Variants in RNF125 observed in about 807,000 individuals in gnomAD.
RNF125 encodes the protein ring finger protein 125.
In RNF125, 21 loss-of-function variants were observed where a neutral mutation model predicts 26.0. The ratio of observed to expected loss-of-function variants is 0.81; its 90% CI spans 0.57 to 1.16. The LOEUF (loss-of-function observed/expected upper bound fraction) is 1.16, where lower values mean the gene tolerates loss of function less well. Ranked by LOEUF, RNF125 falls within the 50% of genes most tolerant of loss-of-function variation. The pLI is 0.00. For synonymous variants in RNF125, 95 were observed against 109.2 expected (o/e 0.87, Z 0.81); for missense variants, 270 against 299.4 (o/e 0.90, Z 0.72).
chr18:32,062,958 GC>G (rs2039448258), intron 4 of RNF125, among the ~76,000 whole-genome samples: 1 of 152,112 alleles, frequency 6.6e-6, no homozygotes, highest in South Asian at 2.1e-4. Flanking sequence ...GGTGGCTCAT[GC>G]TTGTAATCCC....
intron 4 of RNF125, among the ~76,000 whole-genome samples, chr18:32,062,636 G>T (rs1373278855): frequency 6.6e-6 from 1 of 152,048 alleles, no homozygotes; most frequent in African/African-American, 2.4e-5. Context: ...AATATATAAA[G>T]ACCTCATTTA....
At chr18:32,081,239 G>GT in the RNF125 span, among the ~76,000 whole-genome samples, 2 of 148,856 alleles carry the variant, frequency 1.3e-5, no homozygotes, top group Non-Finnish European at 3.0e-5. Context: ...CATGTTGTGT[G>GT]TTTTTAAACA....
rs2039262617 is a variant in RNF125, at chr18:32,045,653, C to G, written c.425C>G (p.Pro142Arg). The stretch of plus-strand genomic sequence containing the variant: ...TGTGCTATTTCCAGGTGTGTATGTC[C>G]CTTTTGTCAGAGGGAACTGTATGAA... ...LEETAARCVC[P>R]FCQRELYEDS... The change falls in exon 4 of 6, where the codon CCC becomes CGC. Residue 142 changes from proline to arginine, a missense_variant. Coordinates refer to ENST00000217740, the MANE Select transcript of RNF125 (RefSeq NM_017831.4). 6.2e-7 allele frequency: 1 copy of G among 1,609,144 alleles called. No individual in the cohort carries two copies. The highest frequency in any genetic ancestry group is 1.1e-5 in the South Asian group (1 of 90,838).
intron 4 of RNF125, among the ~76,000 whole-genome samples, chr18:32,063,702 A>C (rs1340565845): frequency 1.3e-5 from 2 of 152,236 alleles, no homozygotes; most frequent in Non-Finnish European, 2.9e-5. Flanking sequence ...ATGGATAAGC[A>C]GACTGTGGGA....
chr18:32,047,186 G>A (rs911782568), intron 4 of RNF125, among the ~76,000 whole-genome samples: 14 of 152,266 alleles, frequency 9.2e-5, no homozygotes, highest in African/African-American at 2.9e-4. Flanking sequence ...ACAGGCGTGC[G>A]CCACCATGCC....
At chr18:32,052,958 TAAGAA>T (rs777614946) in intron 4 of RNF125, among the ~76,000 whole-genome samples, 30 of 152,340 alleles carry the variant, frequency 2.0e-4, no homozygotes, top group Middle Eastern at 3.4e-3. Context: ...TATTAGAACT[TAAGAA>T]AAGGGTACCA....
chr18:32,046,242 AAGAG>A (rs1270426115), intron 4 of RNF125, among the ~76,000 whole-genome samples: 24 of 146,816 alleles, frequency 1.6e-4, no homozygotes, highest in Admixed American at 3.4e-4. Context: ...AAAAAAGAGA[AAGAG>A]AGATCTAAGT....
At chr18:32,037,046 A>G in intron 1 of RNF125, 70 bp from the exon 2 acceptor site, 6 of 1,398,670 alleles carry the variant, frequency 4.3e-6, no homozygotes, top group Non-Finnish European at 5.9e-6. Context: ...AGTTTACACA[A>G]ATGAATACAT....
intron 1 of RNF125, among the ~76,000 whole-genome samples, chr18:32,027,622 C>T (rs899774411): frequency 1.3e-5 from 2 of 152,048 alleles, no homozygotes; most frequent in Non-Finnish European, 2.9e-5. Context: ...AATGAGTTTA[C>T]CTTTCTTTGC....
chr18:32,062,843 A>T (rs2039447275), intron 4 of RNF125, among the ~76,000 whole-genome samples: 3 of 152,192 alleles, frequency 2.0e-5, no homozygotes, highest in African/African-American at 7.2e-5. Context: ...TGTTGTGAGG[A>T]TCAAATGAGA....
the RNF125 span, among the ~76,000 whole-genome samples, chr18:32,086,353 G>GT: frequency 7.6e-5 from 8 of 105,786 alleles, no homozygotes; most frequent in Non-Finnish European, 1.5e-4. Context: ...CTAGATATTT[G>GT]TGTTTTTTTT....
the RNF125 span, among the ~76,000 whole-genome samples, chr18:32,080,254 C>G: frequency 6.6e-6 from 1 of 152,192 alleles, no homozygotes; most frequent in Non-Finnish European, 1.5e-5. Flanking sequence ...GTCTCAAACT[C>G]CTGACCTCAG....
At chr18:32,037,388 T>TTTTTA (rs2039168461) in intron 2 of RNF125, 119 bp downstream of exon 2, 1 of 571,656 alleles carries the variant, frequency 1.7e-6, no homozygotes, top group African/African-American at 2.2e-5. Flanking sequence ...TTTTTTTTTT[T>TTTTTA]TGAGACAGGT....
chr18:32,045,573 G>GAA, intron 3 of RNF125, 69 bp from the exon 4 acceptor site: 6 of 916,794 alleles, frequency 6.5e-6, no homozygotes, highest in South Asian at 1.7e-5. Flanking sequence ...AAAAAAAAAA[G>GAA]AAAAAAAAAG....
rs956823184 is a variant in RNF125 at position 32,068,609 on chromosome 18, T to A, written c.*225T>A. On this transcript the variant is annotated 3_prime_UTR_variant, in exon 6 of 6. Coordinates refer to ENST00000217740, the MANE Select transcript of RNF125 (RefSeq NM_017831.4). ...CTTACACATCTAACAACAAAAAAAA[T>A]TATCTACATCAGTCATTGTTACATG... is the stretch of plus-strand genomic sequence containing the variant. The A allele has an allele frequency of 1.9e-5, 8 of 431,080 alleles. No homozygotes were observed. The highest frequency in any genetic ancestry group is 2.9e-5 in the Non-Finnish European group (7 of 238,540). The allele number at this position is 431,080 out of a possible 1,614,324, so 26.7% of individuals were successfully genotyped here. A position where few individuals can be genotyped will look rare whatever the true frequency, so the allele number is the denominator to read the frequency against.
At chr18:32,027,731 G>T (rs769471273) in intron 1 of RNF125, among the ~76,000 whole-genome samples, 2 of 152,092 alleles carry the variant, frequency 1.3e-5, no homozygotes, top group Non-Finnish European at 2.9e-5. Flanking sequence ...TTCTCCTAAA[G>T]ATTCGATACT....
At chr18:32,048,845 C>T (rs528479649) in intron 4 of RNF125, among the ~76,000 whole-genome samples, 2 of 152,172 alleles carry the variant, frequency 1.3e-5, no homozygotes, top group East Asian at 3.9e-4. Context: ...CACAATAGGT[C>T]CCTGGGGAGC....
At chr18:32,049,427 G>A (rs1057000568) in intron 4 of RNF125, among the ~76,000 whole-genome samples, 2 of 152,156 alleles carry the variant, frequency 1.3e-5, no homozygotes, top group Admixed American at 1.3e-4. Flanking sequence ...AATAAAGTAA[G>A]CACTCTGTCT....
chr18:32,059,821 G>T (rs563429991), intron 4 of RNF125, among the ~76,000 whole-genome samples: 2 of 151,734 alleles, frequency 1.3e-5, no homozygotes, highest in South Asian at 2.1e-4. Context: ...ATACTATCTT[G>T]ACCAGCATTG....
Sources: allele counts gnomAD v4.1 joint callset (sites outside exome capture counted in the v4.1 genomes callset), GRCh38; gene constraint gnomAD v4.1.1; transcripts MANE v1.5; gene names NCBI Gene and HGNC (gene_info 2026-07-23, HGNC 2026-07-21).